UBA1: variants seen among roughly 807,000 people sequenced by gnomAD.
The protein encoded by UBA1 is ubiquitin like modifier activating enzyme 1.
Under a neutral mutation model 84.7 loss-of-function variants are expected in UBA1, and 4 were observed. The observed-to-expected ratio is 0.05, with a 90% CI of 0.02 to 0.11. The LOEUF is 0.11. UBA1 is among the 10% of genes least tolerant of loss of function. UBA1 has a pLI of 1.00. For synonymous variants in UBA1, 364 were observed against 362.6 expected (o/e 1.00, Z -0.04); for missense variants, 513 against 902.8 (o/e 0.57, Z 5.53).
chrX:47,191,472 G>A (rs782592445), upstream of UBA1: 10 of 111,379 alleles, frequency 9.0e-5, no homozygotes, highest in Non-Finnish European at 1.7e-4. Flanking sequence ...CTAGGGAGAG[G>A]AGCCTCCCAG....
At chrX:47,198,968 A>T in intron 2 of UBA1, 49 bp downstream of exon 2, 1 of 1,203,716 alleles carries the variant, frequency 8.3e-7, no homozygotes, top group Non-Finnish European at 1.1e-6. Context: ...TGGGTGGGAA[A>T]GTCTTTTGTA....
At chrX:47,197,746 A>G in intron 1 of UBA1, 1 of 529,404 alleles carries the variant, frequency 1.9e-6, no homozygotes, top group Non-Finnish European at 2.3e-6. Context: ...AAACGTGATA[A>G]CACGAGGAAG....
At chrX:47,198,200 T>G in intron 1 of UBA1, 1 of 979,193 alleles carries the variant, frequency 1.0e-6, no homozygotes, top group Non-Finnish European at 1.3e-6. Context: ...GCCACCCTGA[T>G]GGATGTCCAA....
intron 14 of UBA1, 102 bp from the exon 15 acceptor site, chrX:47,205,846 C>T: frequency 1.0e-6 from 1 of 982,072 alleles, no homozygotes. Context: ...GGAGAGAGAC[C>T]CTGTCTCAAA....
At chrX:47,213,208 T>G in intron 23 of UBA1, 27 bp downstream of exon 23, 1 of 1,198,908 alleles carries the variant, frequency 8.3e-7, no homozygotes, top group Non-Finnish European at 1.1e-6. Flanking sequence ...GAAGCAGGGT[T>G]TGGGTGGGGT....
At chrX:47,212,595 C>CCCGG (rs1387430477) in intron 21 of UBA1, 83 bp downstream of exon 21, 2 of 968,135 alleles carry the variant, frequency 2.1e-6, no homozygotes, top group Admixed American at 5.0e-5. Context: ...TGGAGCCAGC[C>CCCGG]CCGGGCCTTT....
Position 47,202,813 on chromosome X carries a change from AG to A in UBA1, c.1233+1del. ...IGGLAAQEVM[K>X]ACSGKFMPIM... is the part of the protein sequence containing the mutation. ...GGCCTGGCTGCCCAGGAAGTCATGAAGGTCAGCACGGGTGGGGAGAGGCAGG... is the reference window on the plus strand; with the variant it reads ...GGCCTGGCTGCCCAGGAAGTCATGAAGTCAGCACGGGTGGGGAGAGGCAGG... On this transcript the variant is annotated frameshift_variant and splice_region_variant, in exon 11 of 26. Coordinates refer to ENST00000335972, the MANE Select transcript of UBA1 (RefSeq NM_003334.4). LOFTEE classifies it high-confidence loss of function. 1 of 1,206,580 alleles carries A rather than the reference AG, an allele frequency of 8.3e-7. No homozygotes were observed. The highest frequency in any genetic ancestry group is 1.1e-6 in the Non-Finnish European group (1 of 892,770).
intron 1 of UBA1, among the ~76,000 whole-genome samples, chrX:47,198,525 A>C (rs1431324085): frequency 9.0e-6 from 1 of 111,357 alleles, no homozygotes; most frequent in Non-Finnish European, 1.9e-5. Flanking sequence ...CTTTCACTCC[A>C]GGATTGGAGT....
intron 1 of UBA1, chrX:47,197,895 A>G: frequency 1.4e-6 from 1 of 722,050 alleles, no homozygotes; most frequent in Non-Finnish European, 1.7e-6. Flanking sequence ...TCCAAACCCC[A>G]CAGGAGTACC....
intron 1 of UBA1, chrX:47,198,297 A>T (rs1328562138): frequency 6.1e-6 from 6 of 975,639 alleles, no homozygotes; most frequent in Non-Finnish European, 6.7e-6. Context: ...CTGCCTACCT[A>T]CTCTGTGCCA....
chrX:47,207,672 G>T (rs1051459566), intron 16 of UBA1, among the ~76,000 whole-genome samples: 1 of 110,307 alleles, frequency 9.1e-6, no homozygotes, highest in Non-Finnish European at 1.9e-5. Flanking sequence ...ACAAAATAGG[G>T]AAGGGAAAAA....
rs138590621 is a variant in UBA1 at position 47,196,339 on chromosome X, C to A, written c.-1+2315C>A. On this transcript the variant is annotated intron_variant, in intron 1 of 25. Transcript: ENST00000335972. ...AGAAAGCTTGACATGCTCCAGCCCC[C>A]CTTCTCTATGCCCTAGCTTCTCCAT... Among the ~76,000 whole-genome samples, 13 of 111,144 alleles carry A rather than the reference C, an allele frequency of 1.2e-4. No homozygotes were observed. The East Asian group carries it at 3.4e-3, about 29-fold the overall frequency.
chrX:47,198,319 CTG>C (rs1341230540), intron 1 of UBA1: 1 of 967,560 alleles, frequency 1.0e-6, no homozygotes. Flanking sequence ...GTTCTATGCT[CTG>C]TGTTATTTAT....
intron 18 of UBA1, 68 bp downstream of exon 18, chrX:47,210,191 T>C (rs1039901275): frequency 4.1e-5 from 47 of 1,138,117 alleles, no homozygotes; most frequent in Non-Finnish European, 5.4e-5. Flanking sequence ...GCAGTGTGGG[T>C]CCTCCCACTG....
At chrX:47,203,473 A>T in intron 13 of UBA1, 68 bp from the exon 14 acceptor site, 2 of 1,169,922 alleles carry the variant, frequency 1.7e-6, no homozygotes, top group Non-Finnish European at 2.3e-6. Flanking sequence ...GTGAGGGGTG[A>T]TGGGTAGCTT....
intron 1 of UBA1, chrX:47,198,375 C>G (rs1385799718): frequency 2.3e-6 from 2 of 852,074 alleles, no homozygotes; most frequent in East Asian, 1.5e-4. Context: ...ATTATCACCC[C>G]TGTTTCACAG....
At chrX:47,196,176 A>G (rs1433286087) in intron 1 of UBA1, among the ~76,000 whole-genome samples, 3 of 110,766 alleles carry the variant, frequency 2.7e-5, no homozygotes, top group African/African-American at 9.9e-5. Flanking sequence ...GTCTTTTCCT[A>G]ATACCCTAGC....
intron 14 of UBA1, 30 bp from the exon 15 acceptor site, chrX:47,205,918 C>G: frequency 1.7e-6 from 2 of 1,196,124 alleles, no homozygotes; most frequent in Admixed American, 2.3e-5. Flanking sequence ...CCCATCCCCA[C>G]CCTGGAACTG....
intron 8 of UBA1, 116 bp from the exon 9 acceptor site, chrX:47,202,040 G>C (rs1936434846): frequency 4.8e-6 from 3 of 620,337 alleles, no homozygotes; most frequent in Admixed American, 5.3e-5. Flanking sequence ...CTGGAGCTGA[G>C]GGAAGACAGC....
Sources: gnomAD v4.1 joint callset for allele counts (sites outside exome capture counted in the v4.1 genomes callset) on GRCh38, gnomAD v4.1.1 for gene constraint, MANE v1.5 for transcripts, NCBI Gene and HGNC (gene_info 2026-07-23, HGNC 2026-07-21) for gene names.